Variants in WTIP observed in about 807,000 individuals in gnomAD.
WTIP encodes WT1 interacting protein.
Under a neutral mutation model 41.7 loss-of-function variants are expected in WTIP, and 23 were observed. That is an observed-to-expected ratio of 0.55 (90% CI 0.40 to 0.78). WTIP has a LOEUF of 0.78. Ranked by LOEUF, WTIP falls within the 30% of genes least tolerant of loss-of-function variation. WTIP has a pLI of 0.00. For missense variants in WTIP, 619 were observed against 610.5 expected (o/e 1.01, Z -0.15); for synonymous variants, 314 against 269.9 (o/e 1.16, Z -1.60).
In WTIP at chr19:34,500,238, C is replaced by T; in HGVS notation, c.1262C>T (p.Pro421Leu). ...HLRRLQPGPLPSPTVHVTEL is the reference protein window; with the variant it reads ...HLRRLQPGPLLSPTVHVTEL Reference sequence around the variant, plus strand: ...CGGCGCCTCCAACCTGGGCCTCTTCCCTCACCCACTGTGCACGTCACTGAG... The same window carrying T: ...CGGCGCCTCCAACCTGGGCCTCTTCTCTCACCCACTGTGCACGTCACTGAG... Residue 421 changes from proline (P) to leucine (L), a missense_variant, in exon 8 of 8, where the codon CCC becomes CTC. Physicochemically the swap from Pro to Leu is moderately conservative, Grantham distance 98 (BLOSUM62 -3). Coordinates refer to ENST00000590071, the MANE Select transcript of WTIP (RefSeq NM_001080436.2). The T allele has an allele frequency of 6.2e-7, 1 of 1,608,382 alleles. No individual in the cohort carries two copies.
chr19:34,482,689 G>T, intron 1 of WTIP, 48 bp downstream of exon 1: 2 of 1,219,130 alleles, frequency 1.6e-6, no homozygotes, highest in Non-Finnish European at 2.0e-6. Flanking sequence ...GCTGGGGTCC[G>T]GGGTTCCGAG....
At chr19:34,484,648 G>A (rs1008615251) in intron 1 of WTIP, among the ~76,000 whole-genome samples, 4 of 152,158 alleles carry the variant, frequency 2.6e-5, no homozygotes, top group African/African-American at 7.2e-5. Flanking sequence ...TGCAGAGCCC[G>A]GGGGAGGGGG....
intron 7 of WTIP, among the ~76,000 whole-genome samples, chr19:34,496,098 A>G (rs1292431530): frequency 6.6e-6 from 1 of 152,234 alleles, no homozygotes; most frequent in African/African-American, 2.4e-5. Flanking sequence ...CAGAGGTTGC[A>G]GTGAGCCGAG....
rs532749696 is a variant in WTIP, at chr19:34,493,390, C to A, written c.900+65C>A. 1.4e-5 allele frequency: 23 copies of A among 1,592,972 alleles called. No homozygotes were observed. The East Asian group carries it at 4.6e-4, about 32-fold the overall frequency. ...GGGTGGAGTCTGAGGACTCTACCGT[C>A]TCCCCTGCTCCAGACCTGCCAGGGG... On this transcript the variant is annotated intron_variant, in intron 4 of 7. Transcript: ENST00000590071. This position sits in a 1 kb window ranked among gnomAD's most constrained non-coding sequence, Gnocchi z 4.1.
chr19:34,508,053 T>C lies in WTIP; in HGVS notation c.*7784T>C, dbSNP rs558590484. ...CAGGTCCTCTAAGGATCCCTCCTCA[T>C]TCTCTGTTAGTGTGAGGTGGGACTT... On this transcript the variant is annotated 3_prime_UTR_variant, in exon 8 of 8. Coordinates refer to ENST00000590071, the MANE Select transcript of WTIP (RefSeq NM_001080436.2). 1.3e-5 allele frequency: 2 copies of C among 152,274 alleles called. No homozygotes were observed. The highest frequency in any genetic ancestry group is 4.1e-4 in the South Asian group (2 of 4,820). 9.4% of individuals were successfully genotyped at this position (152,274 alleles called of 1,614,324 possible).
In WTIP at chr19:34,482,539, C is replaced by G. The variant is rs1180351672; in HGVS notation, c.565C>G (p.Pro189Ala). 2 of 1,228,536 alleles carry G rather than the reference C, an allele frequency of 1.6e-6. No homozygotes were observed. The highest frequency in any genetic ancestry group is 6.4e-5 in the East Asian group (2 of 31,120). 76.1% of individuals were successfully genotyped at this position (1,228,536 alleles called of 1,614,324 possible). ...PFPLPALPLP[P>A]GREGGPSAAE... ...CCCGCTGCCTGCACTCCCGCTGCCC[C>G]CTGGCCGGGAGGGCGGCCCAAGCGC... is the stretch of plus-strand genomic sequence containing the variant. The change falls in exon 1 of 8, where the codon CCT becomes GCT. Residue 189 changes from proline (P) to alanine (A), a missense_variant. This residue lies in a region of WTIP where 363 missense variants were observed against 309.0 expected (regional missense o/e 1.17). Coordinates refer to ENST00000590071, the MANE Select transcript of WTIP (RefSeq NM_001080436.2).
At position 34,482,817 on chromosome 19, in the gene WTIP, GGTGA is replaced by G. The variant is rs916256214; in HGVS notation, c.667+184_667+187del. On this transcript the variant is annotated intron_variant, in intron 1 of 7. Coordinates refer to ENST00000590071, the MANE Select transcript of WTIP (RefSeq NM_001080436.2). ...CCCCTGGGGACTGGGGAGCGCAAAGGGTGAGTGAGTGCGCCTGGATCCCCAGCAG... is the reference window on the plus strand; with the variant it reads ...CCCCTGGGGACTGGGGAGCGCAAAGGGTGAGTGCGCCTGGATCCCCAGCAG... The G allele has an allele frequency of 7.1e-6, 7 of 980,618 alleles. No homozygotes were observed. In the African/African-American group the frequency reaches 8.7e-5, roughly 12 times the overall value. The allele number at this position is 980,618 out of a possible 1,614,324, so 60.7% of individuals were successfully genotyped here. A position where few individuals can be genotyped will look rare whatever the true frequency, so the allele number is the denominator to read the frequency against.
At chr19:34,484,083 C>T (rs543892318) in intron 1 of WTIP, among the ~76,000 whole-genome samples, 44 of 152,150 alleles carry the variant, frequency 2.9e-4, no homozygotes, top group African/African-American at 9.2e-4. Context: ...TGCGCCACCA[C>T]GCCCAGCTAA....
chr19:34,490,312 A>T, intron 1 of WTIP, 64 bp from the exon 2 acceptor site: 1 of 1,492,476 alleles, frequency 6.7e-7, no homozygotes, highest in Non-Finnish European at 9.3e-7. Context: ...CAAGACGGGG[A>T]GTCCGTCGGT....
In WTIP at chr19:34,498,213, G is replaced by A. The variant is rs77075942; in HGVS notation, c.1153-1916G>A. On this transcript the variant is annotated intron_variant, in intron 7 of 7. Transcript: ENST00000590071. ...TCAAAGCCGCCAGCATTCCAGCCCC[G>A]AGCCCGCAACGGTAAAAACTGCGAG... Among the ~76,000 whole-genome samples the A allele has an allele frequency of 7.2e-3, 1,091 of 152,216 alleles. 8 individuals carry two copies. Among genetic ancestry groups the A allele is most frequent in the East Asian group, 0.031 (160 of 5,170 alleles).
intron 1 of WTIP, among the ~76,000 whole-genome samples, chr19:34,488,668 G>A (rs1202336041): frequency 6.6e-6 from 1 of 150,516 alleles, no homozygotes; most frequent in African/African-American, 2.4e-5. Flanking sequence ...CACCCAGCCC[G>A]CTTCCTTATT....
rs2075771474 is a variant in WTIP, at chr19:34,482,283, C to T, written c.309C>T (p.Gly103=). 16 of 1,327,584 alleles carry T rather than the reference C, an allele frequency of 1.2e-5. No homozygotes were observed. Among genetic ancestry groups the T allele is most frequent in the African/African-American group, 1.6e-5 (1 of 64,246 alleles). 82.2% of individuals were successfully genotyped at this position (1,327,584 alleles called of 1,614,324 possible). ...LAGSDGGGGG[G]SARSSGISLG... ...GGTCCGACGGCGGCGGCGGTGGCGG[C>T]AGCGCCCGATCCAGCGGCATCAGCC... Residue 103 remains glycine, a synonymous_variant, in exon 1 of 8, where the codon GGC becomes GGT. Coordinates refer to ENST00000590071, the MANE Select transcript of WTIP (RefSeq NM_001080436.2).
At chr19:34,490,590 C>A in intron 2 of WTIP, 113 bp downstream of exon 2, 3 of 1,145,210 alleles carry the variant, frequency 2.6e-6, no homozygotes, top group Non-Finnish European at 3.8e-6. Flanking sequence ...CTGGCTCTGG[C>A]CCAGGCTGGG....
intron 1 of WTIP, among the ~76,000 whole-genome samples, 164 bp from the exon 2 acceptor site, chr19:34,490,212 A>C (rs556859440): frequency 6.6e-6 from 1 of 152,318 alleles, no homozygotes; most frequent in Admixed American, 6.5e-5. Flanking sequence ...GGTCGTGGCC[A>C]CCCTGATGGT....
intron 2 of WTIP, among the ~76,000 whole-genome samples, chr19:34,491,499 T>C (rs78352701): frequency 0.13 from 20,349 of 151,184 alleles, 1,845 homozygotes; most frequent in Non-Finnish European, 0.2. Context: ...AATTTTTGTA[T>C]TTTTTTAGTG....
At position 34,502,254 on chromosome 19, in the gene WTIP, CT is replaced by C. The variant is rs35441081; in HGVS notation, c.*2004del. On this transcript the variant is annotated 3_prime_UTR_variant, in exon 8 of 8. Coordinates refer to ENST00000590071, the MANE Select transcript of WTIP (RefSeq NM_001080436.2). ...TACAGGTGTGTACCACTGTGCCCGG[CT>C]TTTTTTTTTTTTTTTTTTGAGACAG... The C allele has an allele frequency of 0.062, 6,867 of 110,052 alleles. 464 individuals carry two copies. Among genetic ancestry groups the C allele is most frequent in the African/African-American group, 0.24 (6,076 of 25,690 alleles). 6.8% of individuals were successfully genotyped at this position (110,052 alleles called of 1,614,324 possible).
At position 34,495,398 on chromosome 19, in the gene WTIP, T is replaced by TA. The variant is rs200680227; in HGVS notation, c.1084-294dup. Reference sequence around the variant, plus strand: ...GGCAACAGAGAGAGACCCTGTCTCTTAAAAAAAAAAAGGATCAGTGAGGTG... The same window carrying TA: ...GGCAACAGAGAGAGACCCTGTCTCTTAAAAAAAAAAAAGGATCAGTGAGGTG... On this transcript the variant is annotated intron_variant, in intron 6 of 7. Transcript: ENST00000590071. 5.6e-3 allele frequency among the ~76,000 whole-genome samples: 816 copies of TA among 144,886 alleles called. 7 individuals carry two copies. Among genetic ancestry groups the TA allele is most frequent in the African/African-American group, 0.019 (740 of 39,726 alleles).
chr19:34,492,188 C>T (rs2075828948), intron 2 of WTIP, among the ~76,000 whole-genome samples: 1 of 146,966 alleles, frequency 6.8e-6, no homozygotes, highest in South Asian at 2.2e-4. Flanking sequence ...TCACGGCTCA[C>T]TGCAGCCTTG....
chr19:34,500,755 T>C lies in WTIP; in HGVS notation c.*486T>C. 6.5e-6 allele frequency: 1 copy of C among 154,444 alleles called. No homozygotes were observed. The highest frequency in any genetic ancestry group is 1.4e-5 in the Non-Finnish European group (1 of 69,572). 9.6% of individuals were successfully genotyped at this position (154,444 alleles called of 1,614,324 possible). ...TTCCTGCATCTCCTAGCGCAGTTCC[T>C]GCTGGTGGGTGGAAGGGTGCCTGGT... On this transcript the variant is annotated 3_prime_UTR_variant, in exon 8 of 8. Transcript: ENST00000590071.
Sources: gnomAD v4.1 joint callset for allele counts (sites outside exome capture counted in the v4.1 genomes callset) on GRCh38, gnomAD v4.1.1 for gene constraint, gnomAD v4.1.1 regional missense constraint, Gnocchi (gnomAD v3.1) non-coding constraint, MANE v1.5 for transcripts, NCBI Gene and HGNC (gene_info 2026-07-23, HGNC 2026-07-21) for gene names.